TRRAP: variants seen among roughly 807,000 people sequenced by gnomAD.
The protein encoded by TRRAP is transformation/transcription domain-associated protein.
TRRAP carries 41 observed loss-of-function variants against 438.8 expected under a neutral mutation model. That is an observed-to-expected ratio of 0.09 (90% CI 0.07 to 0.12). The LOEUF (loss-of-function observed/expected upper bound fraction) is 0.12, where lower values mean the gene tolerates loss of function less well. TRRAP is among the 10% of genes least tolerant of loss of function. The pLI, the probability that TRRAP is intolerant of heterozygous loss-of-function variation, is 1.00. For synonymous variants in TRRAP, 1,994 were observed against 1,962.9 expected, an observed-to-expected ratio of 1.02 and a Z score of -0.42; for missense variants, 3,122 against 5,055.1, an observed-to-expected ratio of 0.62 and a Z score of 11.60.
At chr7:98,970,413 T>A in intron 52 of TRRAP, 122 bp downstream of exon 52, 1 of 1,247,948 alleles carries the variant, frequency 8.0e-7, no homozygotes, top group Non-Finnish European at 1.1e-6. Flanking sequence ...AGAGAGGAGG[T>A]GAGGCCCCGC....
intron 3 of TRRAP, among the ~76,000 whole-genome samples, chr7:98,884,476 C>T (rs1356008968): frequency 1.3e-5 from 2 of 152,086 alleles, no homozygotes; most frequent in African/African-American, 4.8e-5. Flanking sequence ...CTTAAGCGAT[C>T]CACCCACCTC....
intron 1 of TRRAP, among the ~76,000 whole-genome samples, chr7:98,879,292 T>C (rs539728905): frequency 4.6e-5 from 7 of 152,210 alleles, no homozygotes; most frequent in Non-Finnish European, 8.8e-5. Flanking sequence ...CCCCCCAGGC[T>C]CCGCGGGACC....
chr7:98,979,552 A>G (rs989956518), intron 58 of TRRAP, among the ~76,000 whole-genome samples: 23 of 152,204 alleles, frequency 1.5e-4, no homozygotes, highest in Admixed American at 1.3e-3. Context: ...ATGGAGGACC[A>G]GTTGTATATA....
chr7:98,879,772 C>T (rs1279186636), intron 1 of TRRAP, among the ~76,000 whole-genome samples: 1 of 152,166 alleles, frequency 6.6e-6, no homozygotes, highest in Non-Finnish European at 1.5e-5. Context: ...TGGGCATGCT[C>T]TCTGCATGGA....
intron 38 of TRRAP, among the ~76,000 whole-genome samples, chr7:98,950,615 G>A (rs1554418031): frequency 6.6e-6 from 1 of 152,224 alleles, no homozygotes; most frequent in Non-Finnish European, 1.5e-5. Flanking sequence ...CAGTGTTGAA[G>A]GGTGGTTTGT....
chr7:98,972,974 T>TTTTGTTTG (rs372660672), intron 53 of TRRAP, among the ~76,000 whole-genome samples: 3 of 152,058 alleles, frequency 2.0e-5, no homozygotes, highest in Non-Finnish European at 2.9e-5. Context: ...CAGGCACTTC[T>TTTTGTTTG]TTTGTTTGTT....
intron 69 of TRRAP, among the ~76,000 whole-genome samples, chr7:99,006,001 G>C (rs975757042): frequency 3.9e-5 from 6 of 152,208 alleles, no homozygotes; most frequent in Admixed American, 2.0e-4. Flanking sequence ...TGCACTCTGG[G>C]CCCTCCCTGA....
chr7:98,945,741 C>T lies in TRRAP; in HGVS notation c.4474-6C>T, dbSNP rs782761983. 3.1e-6 allele frequency: 5 copies of T among 1,597,610 alleles called. No homozygotes were observed. The highest frequency in any genetic ancestry group is 1.7e-4 in the Middle Eastern group (1 of 6,060). Reference sequence around the variant, plus strand: ...GAAAAAAGATGATTTTCCTCCCCATCCTCAGGAAAGCATTTCCGAGTGCGG... The same window carrying T: ...GAAAAAAGATGATTTTCCTCCCCATTCTCAGGAAAGCATTTCCGAGTGCGG... On this transcript the variant is annotated splice_polypyrimidine_tract_variant and splice_region_variant and intron_variant, in intron 31 of 72. Coordinates refer to ENST00000456197, the MANE Select transcript of TRRAP (RefSeq NM_001375524.1).
intron 53 of TRRAP, among the ~76,000 whole-genome samples, chr7:98,975,646 G>A (rs1366179028): frequency 1.3e-5 from 2 of 152,198 alleles, no homozygotes; most frequent in East Asian, 3.8e-4. Context: ...AGTCCGTCTC[G>A]GTCATTTTCT....
chr7:98,895,659 C>G (rs74722259), intron 6 of TRRAP, 105 bp from the exon 7 acceptor site: 3 of 919,218 alleles, frequency 3.3e-6, no homozygotes, highest in Non-Finnish European at 3.1e-6. Flanking sequence ...CCTTACCTCT[C>G]TTATGAGTTC....
intron 12 of TRRAP, among the ~76,000 whole-genome samples, chr7:98,903,740 T>A (rs1796579383): frequency 6.6e-6 from 1 of 152,152 alleles, no homozygotes; most frequent in Non-Finnish European, 1.5e-5. Flanking sequence ...CTGGGCAATT[T>A]ACAAGAAAAA....
rs782153890 is a variant in TRRAP, at chr7:98,907,018, T to TA, written c.1115+778dup. Among the ~76,000 whole-genome samples, 406 of 141,316 alleles carry TA rather than the reference T, an allele frequency of 2.9e-3. 1 individual carries two copies. Among genetic ancestry groups the TA allele is most frequent in the African/African-American group, 6.3e-3 (243 of 38,396 alleles). 92.7% of individuals were successfully genotyped at this position (141,316 alleles called of 152,430 possible). A position where few individuals can be genotyped will look rare whatever the true frequency, so the allele number is the denominator to read the frequency against. On this transcript the variant is annotated intron_variant, in intron 13 of 72. Transcript: ENST00000456197. ...CCGTATAATCTTTGTTTCTTACACT[T>TA]AAAAAAAAAAAAAAAGTAGTTGTGG... is the stretch of plus-strand genomic sequence containing the variant.
Position 98,922,581 on chromosome 7 carries a change from C to T in TRRAP, c.2823+628C>T, listed in dbSNP as rs1370057855. ...TCCATCGTCACGTTGGCTTTTCCCT[C>T]TGACTCTGTCACCAGTCCTTCCCCA... On this transcript the variant is annotated intron_variant, in intron 21 of 72. Transcript: ENST00000456197. Among the ~76,000 whole-genome samples, 4 of 152,092 alleles carry T rather than the reference C, an allele frequency of 2.6e-5. No individual in the cohort carries two copies. In the South Asian group the frequency reaches 8.3e-4, roughly 31 times the overall value.
Position 99,007,218 on chromosome 7 carries a change from C to T in TRRAP, c.10754-1159C>T, listed in dbSNP as rs544974512. 2.4e-4 allele frequency among the ~76,000 whole-genome samples: 36 copies of T among 152,318 alleles called. No homozygotes were observed. In the South Asian group the frequency reaches 4.1e-3, roughly 18 times the overall value. ...TCCTCCTCCAAAGATGGGGCACAGC[C>T]GTCCTAGGTGCTGAAAGACAAGTTT... On this transcript the variant is annotated intron_variant, in intron 69 of 72. Coordinates refer to ENST00000456197, the MANE Select transcript of TRRAP (RefSeq NM_001375524.1).
chr7:98,976,159 T>C lies in TRRAP; in HGVS notation c.7850T>C (p.Leu2617Pro). Residue 2617 changes from leucine to proline, a missense_variant, in exon 54 of 73, where the codon CTG (leucine) becomes CCG (proline). By Grantham distance (98) the Leu-to-Pro change is moderately conservative. Coordinates refer to ENST00000456197, the MANE Select transcript of TRRAP (RefSeq NM_001375524.1). The surrounding 1 kb of genome is among the most constrained non-coding windows in gnomAD (Gnocchi z 4.6). The stretch of plus-strand genomic sequence containing the variant: ...TCTTTCTGTTCATAGACTGGAGCGC[T>C]GCTCAGCGCTTTCGTTCAGCTGTGC... ...DTLREVKTGA[L>P]LSAFVQLCHI... is the part of the protein sequence containing the mutation. 1 of 1,613,994 alleles carries C rather than the reference T, an allele frequency of 6.2e-7. No homozygotes were observed. Among genetic ancestry groups the C allele is most frequent in the Non-Finnish European group, 8.5e-7 (1 of 1,179,912 alleles).
At chr7:98,989,150 C>T (rs757970604) in intron 63 of TRRAP, among the ~76,000 whole-genome samples, 184 bp downstream of exon 63, 2 of 152,202 alleles carry the variant, frequency 1.3e-5, no homozygotes, top group Non-Finnish European at 2.9e-5. Flanking sequence ...AAAACTGAGG[C>T]CTGGACACTC....
chr7:98,971,918 G>A lies in TRRAP; in HGVS notation c.7812G>A (p.Lys2604=). 1 of 1,614,212 alleles carries A rather than the reference G, an allele frequency of 6.2e-7. No homozygotes were observed. Among genetic ancestry groups the A allele is most frequent in the Non-Finnish European group, 8.5e-7 (1 of 1,180,030 alleles). Residue 2604 remains lysine (K), a synonymous_variant, in exon 53 of 73, where the codon AAG becomes AAA. Coordinates refer to ENST00000456197, the MANE Select transcript of TRRAP (RefSeq NM_001375524.1). ...QLHMLTNRHD[K]FLDTLREVKT... ...ACATGCTAACCAACAGGCACGACAAGTTTCTGGACACTCTCCGAGAGGTGA... is the reference window on the plus strand; with the variant it reads ...ACATGCTAACCAACAGGCACGACAAATTTCTGGACACTCTCCGAGAGGTGA...
chr7:98,932,198 CT>C (rs1243364338), intron 26 of TRRAP, among the ~76,000 whole-genome samples: 1 of 152,084 alleles, frequency 6.6e-6, no homozygotes, highest in African/African-American at 2.4e-5. Context: ...ACTGCAAGCT[CT>C]GCCTCCCAGG....
At chr7:98,957,339 A>G (rs995303580) in intron 43 of TRRAP, among the ~76,000 whole-genome samples, 1 of 152,138 alleles carries the variant, frequency 6.6e-6, no homozygotes, top group Non-Finnish European at 1.5e-5. Context: ...TCAGACTTCC[A>G]CAAAAGTTTC....
Sources: gnomAD v4.1 joint callset for allele counts (sites outside exome capture counted in the v4.1 genomes callset) on GRCh38, gnomAD v4.1.1 for gene constraint, Gnocchi (gnomAD v3.1) non-coding constraint, MANE v1.5 for transcripts, NCBI Gene and HGNC (gene_info 2026-07-23, HGNC 2026-07-21) for gene names.